The following ASCC3 variants were observed in gnomAD, a reference collection of about 807,000 sequenced individuals.
The protein encoded by ASCC3 is ASC-1 complex subunit P200.
ASCC3 carries 158 observed loss-of-function variants against 256.3 expected under a neutral mutation model. The ratio of observed to expected loss-of-function variants is 0.62; its 90% CI spans 0.54 to 0.70. ASCC3 has a LOEUF of 0.70. ASCC3 is among the 30% of genes least tolerant of loss of function. The probability of loss-of-function intolerance (pLI) is 0.00; values close to 1 mark genes in which losing one functional copy is unlikely to be tolerated. For missense variants in ASCC3, 2,259 were observed against 2,626.0 expected, an observed-to-expected ratio of 0.86 and a Z score of 3.05; for synonymous variants, 948 against 883.4, an observed-to-expected ratio of 1.07 and a Z score of -1.30.
intron 17 of ASCC3, 129 bp from the exon 18 acceptor site, chr6:100,653,018 A>T: frequency 2.3e-6 from 2 of 860,450 alleles, no homozygotes; most frequent in Non-Finnish European, 3.6e-6. Flanking sequence ...CAATTTTTAA[A>T]GTACATTTTT....
intron 10 of ASCC3, among the ~76,000 whole-genome samples, chr6:100,733,399 G>T (rs551368380): frequency 4.8e-4 from 73 of 152,110 alleles, no homozygotes; most frequent in African/African-American, 1.6e-3. Context: ...GCCCTCCTTT[G>T]GGGGTGAGTG....
In ASCC3 at chr6:100,835,908, T is replaced by C. The variant is rs846786; in HGVS notation, c.801+12240A>G. Among the ~76,000 whole-genome samples, 1,054 of 152,258 alleles carry C rather than the reference T, an allele frequency of 6.9e-3. 11 individuals carry two copies. The highest frequency in any genetic ancestry group is 0.024 in the African/African-American group (1,013 of 41,584). On this transcript the variant is annotated intron_variant, in intron 4 of 41. Transcript: ENST00000369162. Reference sequence around the variant, plus strand: ...CAAAATATCTTTCCATTTATCTGCATCTTCTTCAATTTATTTCATCAATGT... The same window carrying C: ...CAAAATATCTTTCCATTTATCTGCACCTTCTTCAATTTATTTCATCAATGT...
At chr6:100,628,126 C>T in intron 27 of ASCC3, 139 bp from the exon 28 acceptor site, 1 of 934,130 alleles carries the variant, frequency 1.1e-6, no homozygotes. Flanking sequence ...AAAGCTAGAA[C>T]TACCAAAGGA....
intron 36 of ASCC3, among the ~76,000 whole-genome samples, chr6:100,561,980 A>C (rs1269582516): frequency 6.6e-6 from 1 of 152,132 alleles, no homozygotes; most frequent in East Asian, 1.9e-4. Flanking sequence ...CGAATAGAAC[A>C]TAAGAAAGCA....
intron 16 of ASCC3, among the ~76,000 whole-genome samples, chr6:100,661,601 T>TA (rs1242840072): frequency 2.6e-5 from 4 of 151,910 alleles, no homozygotes; most frequent in Non-Finnish European, 5.9e-5. Flanking sequence ...TATGGTCTTT[T>TA]AACAATAGAT....
At chr6:100,669,225 TAAAG>T (rs1776620553) in intron 14 of ASCC3, among the ~76,000 whole-genome samples, 1 of 149,630 alleles carries the variant, frequency 6.7e-6, no homozygotes, top group African/African-American at 2.4e-5. Flanking sequence ...TCTAAAAATG[TAAAG>T]AAATATATTT....
At chr6:100,547,702 T>C (rs955113973) in intron 36 of ASCC3, among the ~76,000 whole-genome samples, 6 of 152,060 alleles carry the variant, frequency 3.9e-5, no homozygotes, top group African/African-American at 1.4e-4. Flanking sequence ...GAATGTAAGA[T>C]GTTCCAATTT....
chr6:100,627,801 C>A (rs763204154), intron 28 of ASCC3, 41 bp downstream of exon 28: 13 of 1,612,224 alleles, frequency 8.1e-6, no homozygotes, highest in Admixed American at 3.3e-5. Flanking sequence ...ATCAAAGTAA[C>A]ACTACTAAAT....
At chr6:100,823,350 C>A (rs932658674) in intron 4 of ASCC3, among the ~76,000 whole-genome samples, 27 of 151,704 alleles carry the variant, frequency 1.8e-4, no homozygotes, top group African/African-American at 5.6e-4. Context: ...ACAACAACAA[C>A]AAAAAAAACA....
intron 5 of ASCC3, among the ~76,000 whole-genome samples, chr6:100,804,165 C>T (rs1193249547): frequency 6.6e-6 from 1 of 152,034 alleles, no homozygotes; most frequent in South Asian, 2.1e-4. Context: ...TAGACATGTG[C>T]TAAAGATTTT....
chr6:100,699,763 C>G (rs1293922809), intron 13 of ASCC3, among the ~76,000 whole-genome samples: 1 of 152,014 alleles, frequency 6.6e-6, no homozygotes, highest in Non-Finnish European at 1.5e-5. Context: ...GGAACTGGAG[C>G]AAAGGTGACT....
At chr6:100,769,849 T>C (rs905736365) in intron 8 of ASCC3, among the ~76,000 whole-genome samples, 1 of 151,816 alleles carries the variant, frequency 6.6e-6, no homozygotes, top group Non-Finnish European at 1.5e-5. Flanking sequence ...TCAGATGAAA[T>C]GGACAACTTT....
At chr6:100,824,676 CAT>C (rs1425506549) in intron 4 of ASCC3, among the ~76,000 whole-genome samples, 2 of 151,640 alleles carry the variant, frequency 1.3e-5, no homozygotes, top group African/African-American at 4.9e-5. Flanking sequence ...AACTAGAAGA[CAT>C]ATTAAATAAA....
intron 36 of ASCC3, among the ~76,000 whole-genome samples, chr6:100,546,906 G>A (rs772709251): frequency 6.6e-6 from 1 of 151,936 alleles, no homozygotes; most frequent in Non-Finnish European, 1.5e-5. Context: ...AATATCTAGT[G>A]TTCACAACTA....
intron 25 of ASCC3, among the ~76,000 whole-genome samples, chr6:100,631,515 T>C (rs530148862): frequency 1.3e-5 from 2 of 151,868 alleles, no homozygotes; most frequent in Admixed American, 6.6e-5. Context: ...CATTTTACTA[T>C]GAAATTATAT....
chr6:100,540,571 C>A (rs935053582), intron 36 of ASCC3, among the ~76,000 whole-genome samples, 184 bp from the exon 37 acceptor site: 1 of 152,054 alleles, frequency 6.6e-6, no homozygotes, highest in African/African-American at 2.4e-5. Context: ...GAATAACGTA[C>A]AATCTGTGAA....
chr6:100,747,874 A>G (rs1780759608), intron 10 of ASCC3, among the ~76,000 whole-genome samples: 1 of 152,090 alleles, frequency 6.6e-6, no homozygotes, highest in Admixed American at 6.5e-5. Flanking sequence ...AAATGTTTAA[A>G]GATCAACCAG....
At chr6:100,571,496 C>T (rs183964093) in intron 36 of ASCC3, among the ~76,000 whole-genome samples, 88 of 152,282 alleles carry the variant, frequency 5.8e-4, no homozygotes, top group South Asian at 2.1e-3. Context: ...ACCACTAGCC[C>T]GGTTTTCTGC....
chr6:100,599,213 G>C (rs1772467783), intron 34 of ASCC3, among the ~76,000 whole-genome samples: 1 of 152,158 alleles, frequency 6.6e-6, no homozygotes, highest in African/African-American at 2.4e-5. Flanking sequence ...AGGACCAGCA[G>C]AGAAGAACCT....
Sources: gnomAD v4.1 joint callset for allele counts (sites outside exome capture counted in the v4.1 genomes callset) on GRCh38, gnomAD v4.1.1 for gene constraint, MANE v1.5 for transcripts, NCBI Gene and HGNC (gene_info 2026-07-23, HGNC 2026-07-21) for gene names.